The following VDAC3 variants were observed in gnomAD, a reference collection of about 807,000 sequenced individuals.
VDAC3 encodes voltage dependent anion channel 3, also known as non-selective voltage-gated ion channel VDAC3.
A neutral mutation model predicts 33.9 loss-of-function variants in VDAC3; 7 were observed. The ratio of observed to expected loss-of-function variants is 0.21; its 90% CI spans 0.12 to 0.39. The LOEUF (loss-of-function observed/expected upper bound fraction) is 0.39, where lower values mean the gene tolerates loss of function less well. VDAC3 is among the 10% of genes least tolerant of loss of function. The pLI is 1.00. For missense variants in VDAC3, 261 were observed against 334.5 expected, an observed-to-expected ratio of 0.78 and a Z score of 1.71; for synonymous variants, 100 against 122.4, an observed-to-expected ratio of 0.82 and a Z score of 1.21.
chr8:42,395,524 A>G lies in VDAC3; in HGVS notation c.117+391A>G, dbSNP rs569980844. ...CTCTGCCCCTTCATGATTAGTCGAAACAAAATATGTAAATAAAATGTATTT... is the reference window on the plus strand; with the variant it reads ...CTCTGCCCCTTCATGATTAGTCGAAGCAAAATATGTAAATAAAATGTATTT... On this transcript the variant is annotated intron_variant, in intron 4 of 9. Transcript: ENST00000022615. Among the ~76,000 whole-genome samples the G allele has an allele frequency of 2.0e-5, 3 of 152,380 alleles. No individual in the cohort carries two copies. The South Asian group carries it at 6.2e-4, about 32-fold the overall frequency.
At chr8:42,396,956 G>T (rs747842302) in intron 4 of VDAC3, 1 of 386,914 alleles carries the variant, frequency 2.6e-6, no homozygotes, top group Non-Finnish European at 4.6e-6. Context: ...ACTGTGAATC[G>T]TGAGCCTGGA....
At chr8:42,403,712 C>G (rs1374050262) in intron 8 of VDAC3, among the ~76,000 whole-genome samples, 1 of 152,038 alleles carries the variant, frequency 6.6e-6, no homozygotes, top group Non-Finnish European at 1.5e-5. Flanking sequence ...CCTGTCTTTA[C>G]TAAAAATACA....
chr8:42,404,977 AC>A (rs1239326689), intron 9 of VDAC3, 53 bp downstream of exon 9: 1 of 1,532,416 alleles, frequency 6.5e-7, no homozygotes, highest in Non-Finnish European at 9.0e-7. Context: ...GATAGAGAAA[AC>A]AATGAAAATA....
intron 2 of VDAC3, 98 bp from the exon 3 acceptor site, chr8:42,394,112 T>TGAAGA: frequency 1.9e-6 from 2 of 1,057,748 alleles, no homozygotes; most frequent in South Asian, 2.5e-5. Flanking sequence ...AAGAGAAAAC[T>TGAAGA]GTATACCCCT....
chr8:42,398,462 A>G (rs923564498), intron 4 of VDAC3, among the ~76,000 whole-genome samples: 2 of 152,218 alleles, frequency 1.3e-5, no homozygotes, highest in East Asian at 3.9e-4. Context: ...TCCTGGACTC[A>G]AGGGATCCAC....
In VDAC3 at chr8:42,395,137, A is replaced by AGTAT. The variant is rs772658418; in HGVS notation, c.117+5_117+8dup. 1.7e-5 allele frequency: 27 copies of AGTAT among 1,613,704 alleles called. No homozygotes were observed. Among genetic ancestry groups the AGTAT allele is most frequent in the Non-Finnish European group, 2.2e-5 (26 of 1,179,932 alleles). ...AACCAAGTCTTGTAGTGGAGTGGTG[A>AGTAT]GTATCTAATATATTTTTAATGAATG... On this transcript the variant is annotated splice_donor_region_variant and intron_variant, in intron 4 of 9. Transcript: ENST00000022615.
chr8:42,393,373 T>C (rs1802243102), intron 1 of VDAC3, among the ~76,000 whole-genome samples: 1 of 152,186 alleles, frequency 6.6e-6, no homozygotes, highest in African/African-American at 2.4e-5. Context: ...GCTCTGTAAT[T>C]GGTTAGACAT....
chr8:42,399,127 C>T lies in VDAC3; in HGVS notation c.270+263C>T, dbSNP rs532992986. Among the ~76,000 whole-genome samples, 37 of 151,902 alleles carry T rather than the reference C, an allele frequency of 2.4e-4. No individual in the cohort carries two copies. The South Asian group carries it at 5.0e-3, about 20-fold the overall frequency. On this transcript the variant is annotated intron_variant, in intron 5 of 9. Coordinates refer to ENST00000022615, the MANE Select transcript of VDAC3 (RefSeq NM_005662.7). The stretch of plus-strand genomic sequence containing the variant: ...TCTCCTGGGTAGAACAAACTATTTG[C>T]GGAAATTTGGTTTAGTTTTGTAATT...
chr8:42,393,051 C>T (rs750512251), intron 1 of VDAC3, among the ~76,000 whole-genome samples: 1 of 152,154 alleles, frequency 6.6e-6, no homozygotes, highest in Non-Finnish European at 1.5e-5. Flanking sequence ...TACATTTATA[C>T]TACCGTTTCC....
rs776162293 is a variant in VDAC3 at position 42,402,034 on chromosome 8, T to C, written c.551+19T>C. 3.1e-6 allele frequency: 5 copies of C among 1,611,426 alleles called. No homozygotes were observed. The highest frequency in any genetic ancestry group is 2.2e-5 in the South Asian group (2 of 90,852). The stretch of plus-strand genomic sequence containing the variant: ...CACATGTGTGAGTGTTTATAATTTA[T>C]TCCTTAGTATCAGTGCAGTTGCCCA... On this transcript the variant is annotated intron_variant, in intron 7 of 9. Transcript: ENST00000022615.
At position 42,405,598 on chromosome 8, in the gene VDAC3, C is replaced by A; in HGVS notation, c.*136C>A. On this transcript the variant is annotated 3_prime_UTR_variant, in exon 10 of 10. Coordinates refer to ENST00000022615, the MANE Select transcript of VDAC3 (RefSeq NM_005662.7). ...TCTTCCAAAGAATTGTAATCCTCCC[C>A]ACACTGAAGTCTAGGGGTTGCGAAT... The A allele has an allele frequency of 1.4e-6, 1 of 723,402 alleles. No individual in the cohort carries two copies. The highest frequency in any genetic ancestry group is 2.3e-6 in the Non-Finnish European group (1 of 435,094). The allele number at this position is 723,402 out of a possible 1,614,324, so 44.8% of individuals were successfully genotyped here.
chr8:42,396,540 A>G, intron 4 of VDAC3: 1 of 632,676 alleles, frequency 1.6e-6, no homozygotes, highest in Non-Finnish European at 2.8e-6. Flanking sequence ...CGCTGTGTAT[A>G]TAGTTCTGTT....
intron 4 of VDAC3, 34 bp downstream of exon 4, chr8:42,395,167 A>C (rs1802282676): frequency 6.2e-7 from 1 of 1,612,434 alleles, no homozygotes; most frequent in South Asian, 1.1e-5. Context: ...TGAATGTAAC[A>C]TAATTAACTT....
At position 42,399,680 on chromosome 8, in the gene VDAC3, T is replaced by C. The variant is rs746046208; in HGVS notation, c.300T>C (p.Asp100=). The change falls in exon 6 of 10, where the codon GAT becomes GAC. Residue 100 remains aspartate, a synonymous_variant. Coordinates refer to ENST00000022615, the MANE Select transcript of VDAC3 (RefSeq NM_005662.7). ...CTGAAGGGTTGAAACTGACTCTTGA[T>C]ACCATATTTGTACCGAACACAGGGT... ...KLAEGLKLTL[D]TIFVPNTGKK... is the part of the protein sequence containing the mutation. The C allele has an allele frequency of 6.2e-7, 1 of 1,612,292 alleles. No homozygotes were observed. The highest frequency in any genetic ancestry group is 2.2e-5 in the East Asian group (1 of 44,818).
At chr8:42,403,555 T>C in intron 8 of VDAC3, 94 bp downstream of exon 8, 1 of 1,298,456 alleles carries the variant, frequency 7.7e-7, no homozygotes, top group Non-Finnish European at 1.1e-6. Context: ...TTGTTCTTTA[T>C]TAATTTTAAT....
At chr8:42,399,590 T>C (rs1295737704) in intron 5 of VDAC3, 61 bp from the exon 6 acceptor site, 1 of 1,481,600 alleles carries the variant, frequency 6.7e-7, no homozygotes, top group Non-Finnish European at 9.2e-7. Context: ...AGAATTGGTT[T>C]CTTGAGTTGG....
At chr8:42,396,942 C>A in intron 4 of VDAC3, 1 of 421,360 alleles carries the variant, frequency 2.4e-6, no homozygotes. Flanking sequence ...TAGACACAAA[C>A]TGAACTGTGA....
chr8:42,392,629 C>G (rs904895673), intron 1 of VDAC3, among the ~76,000 whole-genome samples: 1 of 152,196 alleles, frequency 6.6e-6, no homozygotes, highest in Non-Finnish European at 1.5e-5. Context: ...TATACTAAAC[C>G]AGCTACGTGA....
In VDAC3 at chr8:42,403,311, G is replaced by C. The variant is rs1802448548; in HGVS notation, c.552G>C (p.Val184=). 1 of 1,613,830 alleles carries C rather than the reference G, an allele frequency of 6.2e-7. No homozygotes were observed. The highest frequency in any genetic ancestry group is 1.1e-5 in the South Asian group (1 of 91,006). The change falls in exon 8 of 10, where the codon GTG becomes GTC. Residue 184 remains valine, a splice_region_variant and synonymous_variant. Coordinates refer to ENST00000022615, the MANE Select transcript of VDAC3 (RefSeq NM_005662.7). ...KAADFQLHTH[V]NDGTEFGGSI... is the part of the protein sequence containing the mutation. Reference sequence around the variant, plus strand: ...GACGTTTTCTTATCTATGAAAACAGGAACGATGGCACTGAATTTGGAGGTT... The same window carrying C: ...GACGTTTTCTTATCTATGAAAACAGCAACGATGGCACTGAATTTGGAGGTT...
Sources: allele counts gnomAD v4.1 joint callset (sites outside exome capture counted in the v4.1 genomes callset), GRCh38; gene constraint gnomAD v4.1.1; transcripts MANE v1.5; gene names NCBI Gene and HGNC (gene_info 2026-07-23, HGNC 2026-07-21).